The following TNKS variants were observed in gnomAD, a reference collection of about 807,000 sequenced individuals.
TNKS encodes poly [ADP-ribose] polymerase tankyrase-1.
Under a neutral mutation model 135.8 loss-of-function variants are expected in TNKS, and 72 were observed. That is an observed-to-expected ratio of 0.53 (90% CI 0.44 to 0.64). The LOEUF (loss-of-function observed/expected upper bound fraction) is 0.64. Ranked by LOEUF, TNKS falls within the 30% of genes least tolerant of loss-of-function variation. TNKS has a pLI of 0.00. For synonymous variants in TNKS, 849 were observed against 649.3 expected (o/e 1.31, Z -4.68); for missense variants, 1,769 against 1,674.0 (o/e 1.06, Z -0.99).
intron 20 of TNKS, 109 bp downstream of exon 20, chr8:9,752,735 G>T (rs902627180): frequency 4.4e-6 from 3 of 687,546 alleles, no homozygotes; most frequent in Admixed American, 5.8e-5. Flanking sequence ...CGGCAGGATT[G>T]CTTGAGCCCA....
intron 5 of TNKS, among the ~76,000 whole-genome samples, chr8:9,684,146 A>G (rs1174905401): frequency 6.6e-6 from 1 of 151,984 alleles, no homozygotes; most frequent in Non-Finnish European, 1.5e-5. Flanking sequence ...ACAATTCATT[A>G]TTGCCATTAG....
At chr8:9,757,818 T>G (rs1197691579) in intron 20 of TNKS, among the ~76,000 whole-genome samples, 2 of 152,222 alleles carry the variant, frequency 1.3e-5, no homozygotes, top group African/African-American at 4.8e-5. Context: ...TAGTTACTTT[T>G]TAAAGAAATA....
chr8:9,721,570 CTATAGACTAGGAGTCAG>C (rs1804882112), intron 12 of TNKS, among the ~76,000 whole-genome samples: 1 of 14,812 alleles, frequency 6.8e-5, no homozygotes, highest in African/African-American at 1.4e-4. Flanking sequence ...ATGTAGAAGG[CTATAGACTAGGAGTCAG>C]AAGTCCTGGT....
intron 12 of TNKS, among the ~76,000 whole-genome samples, chr8:9,721,095 C>G (rs1050172455): frequency 2.0e-5 from 3 of 151,806 alleles, no homozygotes; most frequent in African/African-American, 7.3e-5. Context: ...TCTTGGCCAA[C>G]ATGGTGAAAC....
In TNKS at chr8:9,759,957, G is replaced by A. The variant is rs968846453; in HGVS notation, c.3154-1559G>A. On this transcript the variant is annotated intron_variant, in intron 20 of 26. Coordinates refer to ENST00000310430, the MANE Select transcript of TNKS (RefSeq NM_003747.3). ...CGCGCCACTGCACTCCAGCCGGGGCGACAGAGCGAGACTCTGTCTCAAAAG... is the reference window on the plus strand; with the variant it reads ...CGCGCCACTGCACTCCAGCCGGGGCAACAGAGCGAGACTCTGTCTCAAAAG... Among the ~76,000 whole-genome samples, 32 of 149,258 alleles carry A rather than the reference G, an allele frequency of 2.1e-4. No homozygotes were observed. In the East Asian group the frequency reaches 2.4e-3, roughly 11 times the overall value.
At position 9,580,258 on chromosome 8, in the gene TNKS, C is replaced by G; in HGVS notation, c.773C>G (p.Ser258Cys). Reference protein sequence around the residue: ...GGLIPLHNACSFGHAEVVSLL... With the variant: ...GGLIPLHNACCFGHAEVVSLL... ...CTCATCCCGCTTCATAATGCCTGTT[C>G]TTTTGGCCATGCTGAGGTTGTGAGT... Residue 258 changes from serine to cysteine, a missense_variant, in exon 2 of 27, where the codon TCT becomes TGT. Ser to Cys is a moderately radical substitution (Grantham distance 112). Coordinates refer to ENST00000310430, the MANE Select transcript of TNKS (RefSeq NM_003747.3). The G allele has an allele frequency of 6.2e-7, 1 of 1,614,120 alleles. No individual in the cohort carries two copies. The highest frequency in any genetic ancestry group is 8.5e-7 in the Non-Finnish European group (1 of 1,180,026).
intron 25 of TNKS, 58 bp downstream of exon 25, chr8:9,766,483 C>CAT: frequency 2.2e-6 from 2 of 890,046 alleles, no homozygotes; most frequent in Non-Finnish European, 2.9e-6. Context: ...ACCAAATTGT[C>CAT]TTTTTTTTTT....
chr8:9,584,157 C>CT (rs1798280086), intron 2 of TNKS, among the ~76,000 whole-genome samples: 1 of 121,470 alleles, frequency 8.2e-6, no homozygotes, highest in African/African-American at 3.2e-5. Context: ...GAGCAAGACT[C>CT]TGTCTTTAAA....
Position 9,733,447 on chromosome 8 carries a change from A to T in TNKS, c.2313+3A>T. ...AAATCTGCAAGCTCCTTTTAAAAGT[A>T]TGTAGTTTAAAAAGTTATGAAATAT... On this transcript the variant is annotated splice_donor_region_variant and intron_variant, in intron 15 of 26. Coordinates refer to ENST00000310430, the MANE Select transcript of TNKS (RefSeq NM_003747.3). The T allele has an allele frequency of 6.2e-7, 1 of 1,609,760 alleles. No homozygotes were observed. Among genetic ancestry groups the T allele is most frequent in the East Asian group, 2.2e-5 (1 of 44,760 alleles).
chr8:9,653,030 G>A (rs1038952357), intron 3 of TNKS, among the ~76,000 whole-genome samples: 6 of 152,126 alleles, frequency 3.9e-5, no homozygotes, highest in Non-Finnish European at 7.3e-5. Context: ...CTCCAAAGAC[G>A]TTGCTAGAGG....
At chr8:9,718,002 G>C (rs565189877) in intron 11 of TNKS, among the ~76,000 whole-genome samples, 1 of 93,830 alleles carries the variant, frequency 1.1e-5, no homozygotes, top group East Asian at 3.2e-4. Flanking sequence ...AAAGGGGTTT[G>C]TTTGTTAAAC....
At chr8:9,579,756 C>A (rs149433358) in intron 1 of TNKS, among the ~76,000 whole-genome samples, 39 of 152,264 alleles carry the variant, frequency 2.6e-4, no homozygotes, top group African/African-American at 9.4e-4. Context: ...TGAGCCACTG[C>A]GCCCGGCTTA....
chr8:9,734,003 A>G (rs982866993), intron 15 of TNKS, among the ~76,000 whole-genome samples: 1 of 152,202 alleles, frequency 6.6e-6, no homozygotes, highest in East Asian at 1.9e-4. Context: ...TATTTTTAAA[A>G]AACGACCAGA....
intron 3 of TNKS, among the ~76,000 whole-genome samples, chr8:9,656,583 A>G (rs1801379870): frequency 6.7e-6 from 1 of 149,950 alleles, no homozygotes; most frequent in Non-Finnish European, 1.5e-5. Context: ...GGGGGCCAAT[A>G]TTCAACATTC....
rs1300754468 is a variant in TNKS, at chr8:9,642,319, T to C, written c.994+26642T>C. Among the ~76,000 whole-genome samples, 2 of 146,724 alleles carry C rather than the reference T, an allele frequency of 1.4e-5. 1 individual carries two copies. On this transcript the variant is annotated intron_variant, in intron 3 of 26. Coordinates refer to ENST00000310430, the MANE Select transcript of TNKS (RefSeq NM_003747.3). ...ATAGTTTTTAGTATTTGAACGGTGC[T>C]AGTTTTCCTTAATTATTGTATTCTC...
At chr8:9,715,225 TATA>T (rs934614864) in intron 11 of TNKS, among the ~76,000 whole-genome samples, 5 of 152,112 alleles carry the variant, frequency 3.3e-5, no homozygotes, top group Non-Finnish European at 7.4e-5. Context: ...GAAGCAGAGA[TATA>T]TCTCAGTTAG....
At position 9,782,267 on chromosome 8, in the gene TNKS, C is replaced by T. The variant is rs1185714964; in HGVS notation, c.*5531C>T. On this transcript the variant is annotated 3_prime_UTR_variant, in exon 27 of 27. Transcript: ENST00000310430. ...AAGACATCTTTGTGATTATATTTAACCTGCAATTGTGCTTTGGCTTAATGT... is the reference window on the plus strand; with the variant it reads ...AAGACATCTTTGTGATTATATTTAATCTGCAATTGTGCTTTGGCTTAATGT... 1 of 152,662 alleles carries T rather than the reference C, an allele frequency of 6.6e-6. No homozygotes were observed. The highest frequency in any genetic ancestry group is 1.5e-5 in the Non-Finnish European group (1 of 68,054). 9.5% of individuals were successfully genotyped at this position (152,662 alleles called of 1,614,324 possible). A position where few individuals can be genotyped will look rare whatever the true frequency, so the allele number is the denominator to read the frequency against.
intron 3 of TNKS, among the ~76,000 whole-genome samples, chr8:9,656,096 G>T (rs1436537223): frequency 1.3e-5 from 2 of 152,188 alleles, no homozygotes; most frequent in Non-Finnish European, 2.9e-5. Context: ...TGTGACGAAT[G>T]CACAAGCCTC....
chr8:9,748,187 G>A lies in TNKS; in HGVS notation c.2807G>A (p.Gly936Asp). The change falls in exon 18 of 27, where the codon GGC (glycine) becomes GAC (aspartate). Residue 936 changes from glycine to aspartate, a missense_variant. Physicochemically the swap from Gly to Asp is moderately conservative, Grantham distance 94. This residue lies in a region of TNKS where 722 missense variants were observed against 688.9 expected (regional missense o/e 1.05). Coordinates refer to ENST00000310430, the MANE Select transcript of TNKS (RefSeq NM_003747.3). ...GADPTMKNQE[G>D]QTPLDLATAD... ...GACCCCACCATGAAGAACCAGGAAG[G>A]CCAGACGCCTCTGGATCTGGCAACA... 1.3e-6 allele frequency: 2 copies of A among 1,578,004 alleles called. No homozygotes were observed. Among genetic ancestry groups the A allele is most frequent in the Non-Finnish European group, 1.7e-6 (2 of 1,162,392 alleles).
Sources: gnomAD v4.1 joint callset for allele counts (sites outside exome capture counted in the v4.1 genomes callset) on GRCh38, gnomAD v4.1.1 for gene constraint, gnomAD v4.1.1 regional missense constraint, MANE v1.5 for transcripts, NCBI Gene and HGNC (gene_info 2026-07-23, HGNC 2026-07-21) for gene names.